The following SLC35F1 variants were observed in gnomAD, a reference collection of about 807,000 sequenced individuals.
SLC35F1 encodes chromosome 6 open reading frame 169.
In SLC35F1, 14 loss-of-function variants were observed where a neutral mutation model predicts 48.7. That is an observed-to-expected ratio of 0.29 (90% CI 0.19 to 0.45). The LOEUF (loss-of-function observed/expected upper bound fraction) is 0.45, where lower values mean the gene tolerates loss of function less well. Among genes scored for constraint, SLC35F1 ranks in the 20% least tolerant of loss-of-function variants. SLC35F1 has a pLI of 1.00. For missense variants in SLC35F1, 404 were observed against 500.0 expected (o/e 0.81, Z 1.83); for synonymous variants, 190 against 202.2 (o/e 0.94, Z 0.51).
At chr6:118,178,560 G>A (rs924357997) in intron 2 of SLC35F1, among the ~76,000 whole-genome samples, 6 of 152,014 alleles carry the variant, frequency 3.9e-5, no homozygotes, top group Admixed American at 3.9e-4. Flanking sequence ...AGCTCAAGAA[G>A]AATCATATGT....
At position 118,279,500 on chromosome 6, in the gene SLC35F1, T is replaced by C. The variant is rs371780515; in HGVS notation, c.847+1954T>C. Among the ~76,000 whole-genome samples the C allele has an allele frequency of 5.3e-5, 8 of 152,306 alleles. No individual in the cohort carries two copies. In the East Asian group the frequency reaches 9.7e-4, roughly 18 times the overall value. On this transcript the variant is annotated intron_variant, in intron 6 of 7. Transcript: ENST00000360388. ...AATGTTTACTAAGTGAGCAAATGAATGAATGGCAAGCAACAAAGATGGTCC... is the reference window on the plus strand; with the variant it reads ...AATGTTTACTAAGTGAGCAAATGAACGAATGGCAAGCAACAAAGATGGTCC...
At chr6:117,965,640 A>G (rs1776552409) in intron 1 of SLC35F1, among the ~76,000 whole-genome samples, 1 of 152,152 alleles carries the variant, frequency 6.6e-6, no homozygotes, top group Admixed American at 6.5e-5. Flanking sequence ...GGGGTGGTAG[A>G]CGGTGGATGT....
chr6:118,014,284 C>T (rs997981104), intron 1 of SLC35F1, among the ~76,000 whole-genome samples: 2 of 152,136 alleles, frequency 1.3e-5, no homozygotes, highest in African/African-American at 4.8e-5. Context: ...AGTTTGTAGG[C>T]TCTCAAGATT....
chr6:118,013,320 A>T (rs1777276448), intron 1 of SLC35F1, among the ~76,000 whole-genome samples: 1 of 152,160 alleles, frequency 6.6e-6, no homozygotes, highest in Non-Finnish European at 1.5e-5. Flanking sequence ...TGGACTGGGC[A>T]GCAGGCTTTT....
intron 1 of SLC35F1, among the ~76,000 whole-genome samples, chr6:117,935,827 C>T (rs1776156369): frequency 6.6e-6 from 1 of 152,140 alleles, no homozygotes; most frequent in African/African-American, 2.4e-5. Flanking sequence ...AATTTTTTGC[C>T]ACTCTAGATG....
At chr6:118,012,088 A>G (rs1391453802) in intron 1 of SLC35F1, among the ~76,000 whole-genome samples, 8 of 152,136 alleles carry the variant, frequency 5.3e-5, no homozygotes, top group Non-Finnish European at 8.8e-5. Flanking sequence ...AGAAACCTGG[A>G]AGGAAAGGAT....
intron 1 of SLC35F1, among the ~76,000 whole-genome samples, chr6:117,935,647 GGAGGGT>G (rs1397080442): frequency 1.3e-5 from 2 of 152,140 alleles, no homozygotes; most frequent in Non-Finnish European, 2.9e-5. Context: ...TTGGTGGAGG[GGAGGGT>G]GAGCATTTAA....
Position 118,172,456 on chromosome 6 carries a change from C to T in SLC35F1, c.349+17836C>T, listed in dbSNP as rs753207532. Reference sequence around the variant, plus strand: ...AAAAATGAAGTGAACTTAATATATACTCTTCCTGTCTCTTTAAAAAATAAT... The same window carrying T: ...AAAAATGAAGTGAACTTAATATATATTCTTCCTGTCTCTTTAAAAAATAAT... On this transcript the variant is annotated intron_variant, in intron 2 of 7. Transcript: ENST00000360388. Among the ~76,000 whole-genome samples, 74 of 152,208 alleles carry T rather than the reference C, an allele frequency of 4.9e-4. 1 individual carries two copies. The highest frequency in any genetic ancestry group is 2.4e-4 in the Non-Finnish European group (16 of 68,000).
intron 2 of SLC35F1, among the ~76,000 whole-genome samples, chr6:118,209,594 C>T (rs1275396395): frequency 1.3e-5 from 2 of 151,942 alleles, no homozygotes; most frequent in Admixed American, 6.6e-5. Context: ...TTTAAATGCC[C>T]AGAATTTTGA....
At chr6:118,058,871 T>G (rs1772497749) in intron 1 of SLC35F1, among the ~76,000 whole-genome samples, 1 of 152,210 alleles carries the variant, frequency 6.6e-6, no homozygotes, top group Non-Finnish European at 1.5e-5. Context: ...AGTAGCAAGA[T>G]GCAATTCATA....
chr6:118,214,208 C>T (rs565180144), intron 2 of SLC35F1, among the ~76,000 whole-genome samples: 20 of 152,208 alleles, frequency 1.3e-4, no homozygotes, highest in Admixed American at 3.3e-4. Flanking sequence ...TAAAAATGGT[C>T]CTATCTTCAA....
intron 1 of SLC35F1, among the ~76,000 whole-genome samples, chr6:118,073,218 T>C (rs543838441): frequency 2.2e-4 from 34 of 152,274 alleles, no homozygotes; most frequent in African/African-American, 7.0e-4. Flanking sequence ...TTTTATCCTC[T>C]ATAGAAAAAA....
intron 4 of SLC35F1, among the ~76,000 whole-genome samples, chr6:118,269,558 G>GAA (rs113540508): frequency 6.7e-6 from 1 of 150,098 alleles, no homozygotes; most frequent in African/African-American, 2.4e-5. Context: ...TTTTTTTAAA[G>GAA]AAAAAAAAAC....
chr6:118,135,699 GA>G (rs1773783988), intron 1 of SLC35F1, among the ~76,000 whole-genome samples: 1 of 152,224 alleles, frequency 6.6e-6, no homozygotes, highest in African/African-American at 2.4e-5. Context: ...AGAGTGAAGG[GA>G]GGTTACAGCT....
intron 1 of SLC35F1, among the ~76,000 whole-genome samples, chr6:118,048,697 C>T (rs1446783072): frequency 6.6e-6 from 1 of 152,068 alleles, no homozygotes; most frequent in Non-Finnish European, 1.5e-5. Flanking sequence ...CAAAGCACTG[C>T]TCAAAGAAAT....
chr6:118,100,309 C>CT (rs1208905029), intron 1 of SLC35F1, among the ~76,000 whole-genome samples: 1 of 152,110 alleles, frequency 6.6e-6, no homozygotes, highest in Non-Finnish European at 1.5e-5. Flanking sequence ...ACTGAGAAAA[C>CT]TACCCATAGT....
intron 3 of SLC35F1, among the ~76,000 whole-genome samples, chr6:118,237,267 A>G (rs1775377467): frequency 6.6e-6 from 1 of 152,060 alleles, no homozygotes; most frequent in African/African-American, 2.4e-5. Flanking sequence ...GCCATCACCT[A>G]GGACTCCCCC....
chr6:118,043,055 G>A (rs141680771), intron 1 of SLC35F1, among the ~76,000 whole-genome samples: 1 of 152,258 alleles, frequency 6.6e-6, no homozygotes, highest in Non-Finnish European at 1.5e-5. Flanking sequence ...TGTGTACTGT[G>A]CGGTTAGGAT....
At chr6:118,228,742 G>T (rs146681256) in intron 2 of SLC35F1, among the ~76,000 whole-genome samples, 95 of 151,972 alleles carry the variant, frequency 6.3e-4, no homozygotes, top group African/African-American at 2.2e-3. Context: ...TTGGAGTTCT[G>T]GTAAAAGAGA....
Sources: gnomAD v4.1 joint callset for allele counts (sites outside exome capture counted in the v4.1 genomes callset) on GRCh38, gnomAD v4.1.1 for gene constraint, MANE v1.5 for transcripts, NCBI Gene and HGNC (gene_info 2026-07-23, HGNC 2026-07-21) for gene names.